The following PDK4 variants were observed in gnomAD, a reference collection of about 807,000 sequenced individuals.
The protein encoded by PDK4 is pyruvate dehydrogenase kinase, isozyme 4.
A neutral mutation model predicts 51.7 loss-of-function variants in PDK4; 43 were observed. That is an observed-to-expected ratio of 0.83 (90% CI 0.65 to 1.07). The LOEUF is 1.07. Among genes scored for constraint, PDK4 ranks in the 50% least tolerant of loss-of-function variants. The probability of loss-of-function intolerance (pLI) is 0.00; values close to 1 mark genes in which losing one functional copy is unlikely to be tolerated. For synonymous variants in PDK4, 170 were observed against 176.6 expected, an observed-to-expected ratio of 0.96 and a Z score of 0.30; for missense variants, 498 against 503.5, an observed-to-expected ratio of 0.99 and a Z score of 0.10.
chr7:95,596,352 G>C lies in PDK4; in HGVS notation c.-59C>G. 5 of 1,510,874 alleles carry C rather than the reference G, an allele frequency of 3.3e-6. No homozygotes were observed. In the East Asian group the frequency reaches 8.0e-5, roughly 24 times the overall value. 93.6% of individuals were successfully genotyped at this position (1,510,874 alleles called of 1,614,324 possible). A position where few individuals can be genotyped will look rare whatever the true frequency, so the allele number is the denominator to read the frequency against. ...CTGGCTTGAGGGGCGAAGGCTGCTC[G>C]GAGCAGAGCCTGGTTCCGAGGGGGC... On this transcript the variant is annotated 5_prime_UTR_variant, in exon 1 of 11. Coordinates refer to ENST00000005178, the MANE Select transcript of PDK4 (RefSeq NM_002612.4).
rs987880364 is a variant in PDK4, at chr7:95,592,926, G to A, written c.363C>T (p.Ile121=). The A allele has an allele frequency of 6.3e-7, 1 of 1,598,050 alleles. No individual in the cohort carries two copies. Among genetic ancestry groups the A allele is most frequent in the Non-Finnish European group, 8.5e-7 (1 of 1,171,224 alleles). ...KALSDFVDTL[I]KVRNRHHNVV... ...CATTATGGTGTCTATTTCGAACTTTGATGAGTGTATCTACAAAGCTAAGCC... is the reference window on the plus strand; with the variant it reads ...CATTATGGTGTCTATTTCGAACTTTAATGAGTGTATCTACAAAGCTAAGCC... The change falls in exon 4 of 11, where the codon ATC becomes ATT. Residue 121 remains isoleucine (I), a synonymous_variant. Transcript: ENST00000005178.
chr7:95,592,189 T>TA, intron 5 of PDK4, 124 bp from the exon 6 acceptor site: 1 of 459,842 alleles, frequency 2.2e-6, no homozygotes, highest in East Asian at 3.5e-5. Flanking sequence ...TTTATGTATA[T>TA]AAAAATATAT....
intron 7 of PDK4, 112 bp from the exon 8 acceptor site, chr7:95,587,937 A>AT (rs1791507853): frequency 2.8e-6 from 2 of 708,786 alleles, no homozygotes; most frequent in Non-Finnish European, 4.8e-6. Flanking sequence ...CAAAGTTCCT[A>AT]TTTTTTTAAG....
Position 95,585,801 on chromosome 7 carries a change from A to G in PDK4, c.1096-20T>C, listed in dbSNP as rs377064599. 64 of 1,573,604 alleles carry G rather than the reference A, an allele frequency of 4.1e-5. No individual in the cohort carries two copies. In the African/African-American group the frequency reaches 8.0e-4, roughly 20 times the overall value. ...CAAAGCCTAAAAGAAAAGGGGGGAA[A>G]AACATGAGACCAAAGAAATTATGCA... On this transcript the variant is annotated intron_variant, in intron 10 of 10. Transcript: ENST00000005178.
chr7:95,589,606 A>G, intron 7 of PDK4, 34 bp downstream of exon 7: 1 of 1,074,212 alleles, frequency 9.3e-7, no homozygotes, highest in Non-Finnish European at 1.4e-6. Context: ...ACCTTTTTAA[A>G]AGGTAAAATT....
intron 5 of PDK4, 66 bp downstream of exon 5, chr7:95,592,445 A>G (rs780095411): frequency 7.7e-6 from 7 of 911,108 alleles, no homozygotes; most frequent in Non-Finnish European, 1.3e-5. Flanking sequence ...AGTCACCTCA[A>G]TTATAGATAT....
At chr7:95,595,434 A>G (rs1315791541) in intron 1 of PDK4, among the ~76,000 whole-genome samples, 1 of 152,172 alleles carries the variant, frequency 6.6e-6, no homozygotes, top group Non-Finnish European at 1.5e-5. Context: ...ACTTCCAAGA[A>G]GTAAGAATAT....
Position 95,596,332 on chromosome 7 carries a change from T to A in PDK4, c.-39A>T. On this transcript the variant is annotated 5_prime_UTR_variant, in exon 1 of 11. It adds an upstream start codon to the 5' untranslated region. Transcript: ENST00000005178. ...CGGCCTGGCGGGGACTGTGGCTGGC[T>A]TGAGGGGCGAAGGCTGCTCGGAGCA... 1.3e-6 allele frequency: 2 copies of A among 1,543,754 alleles called. No homozygotes were observed. The highest frequency in any genetic ancestry group is 1.7e-6 in the Non-Finnish European group (2 of 1,146,930).
At position 95,592,008 on chromosome 7, in the gene PDK4, A is replaced by C. The variant is rs1183317879; in HGVS notation, c.674T>G (p.Leu225Ter). The C allele has an allele frequency of 3.2e-6, 5 of 1,549,880 alleles. No individual in the cohort carries two copies. The African/African-American group carries it at 6.9e-5, about 21-fold the overall frequency. Residue 225 changes from leucine (L) to a stop codon, truncating the protein, a stop_gained, in exon 6 of 11, where the codon TTA becomes TGA. Coordinates refer to ENST00000005178, the MANE Select transcript of PDK4 (RefSeq NM_002612.4). LOFTEE classifies it high-confidence loss of function. ...CTTACCATTCACTTGTGTAAGCTTT[A>C]ATTCTGGAGATGATAAATAATACTG... ...CDQYYLSSPE[L>*]KLTQVNGKFP...
At chr7:95,592,485 G>A (rs758909139) in intron 5 of PDK4, 26 bp downstream of exon 5, 1 of 1,274,392 alleles carries the variant, frequency 7.8e-7, no homozygotes, top group Non-Finnish European at 1.1e-6. Context: ...TTTTCAATAA[G>A]GGAAGTGCAG....
chr7:95,589,091 C>T (rs1791521138), intron 7 of PDK4, among the ~76,000 whole-genome samples: 1 of 152,232 alleles, frequency 6.6e-6, no homozygotes, highest in Admixed American at 6.5e-5. Flanking sequence ...TCAGGCCCCA[C>T]TCTAGACTTC....
chr7:95,590,114 G>A lies in PDK4; in HGVS notation c.695-398C>T, dbSNP rs144504989. On this transcript the variant is annotated intron_variant, in intron 6 of 10. Transcript: ENST00000005178. Reference sequence around the variant, plus strand: ...CACAAATGTGTGAAGTTGGGTAAGTGTGGAAGAACAGTGCTATAAATTAGA... The same window carrying A: ...CACAAATGTGTGAAGTTGGGTAAGTATGGAAGAACAGTGCTATAAATTAGA... 1.0e-3 allele frequency among the ~76,000 whole-genome samples: 158 copies of A among 152,238 alleles called. 4 individuals are homozygous for A. Among genetic ancestry groups the A allele is most frequent in the African/African-American group, 3.7e-3 (152 of 41,536 alleles).
At position 95,592,927 on chromosome 7, in the gene PDK4, A is replaced by G. The variant is rs1380750328; in HGVS notation, c.362T>C (p.Ile121Thr). 1 of 1,598,692 alleles carries G rather than the reference A, an allele frequency of 6.3e-7. No homozygotes were observed. Among genetic ancestry groups the G allele is most frequent in the Non-Finnish European group, 8.5e-7 (1 of 1,171,302 alleles). ...ATTATGGTGTCTATTTCGAACTTTG[A>G]TGAGTGTATCTACAAAGCTAAGCCA... ...KALSDFVDTL[I>T]KVRNRHHNVV... The change falls in exon 4 of 11, where the codon ATC becomes ACC. Residue 121 changes from isoleucine to threonine, a missense_variant. Transcript: ENST00000005178.
At chr7:95,588,814 G>C (rs1791517348) in intron 7 of PDK4, among the ~76,000 whole-genome samples, 1 of 152,172 alleles carries the variant, frequency 6.6e-6, no homozygotes, top group African/African-American at 2.4e-5. Context: ...TTAATCTTAG[G>C]ACGCATGAAA....
intron 6 of PDK4, among the ~76,000 whole-genome samples, chr7:95,591,628 CCT>C (rs756413982): frequency 6.6e-6 from 1 of 152,126 alleles, no homozygotes; most frequent in Non-Finnish European, 1.5e-5. Flanking sequence ...TTATGGGTAA[CCT>C]CTTTAAGAGG....
intron 10 of PDK4, among the ~76,000 whole-genome samples, chr7:95,586,005 CT>C (rs3214117): frequency 0.28 from 41,875 of 151,946 alleles, 6,716 homozygotes; most frequent in East Asian, 0.78. Flanking sequence ...AATACATTAA[CT>C]ATTTCAGATG....
At chr7:95,586,419 C>T (rs987883403) in intron 10 of PDK4, among the ~76,000 whole-genome samples, 40 of 151,858 alleles carry the variant, frequency 2.6e-4, no homozygotes, top group Non-Finnish European at 1.8e-4. Flanking sequence ...GGTCTAGAAC[C>T]ACTGAACTTG....
chr7:95,594,973 C>T (rs1294513129), intron 2 of PDK4, 50 bp downstream of exon 2: 2 of 1,389,288 alleles, frequency 1.4e-6, no homozygotes, highest in Non-Finnish European at 2.0e-6. Flanking sequence ...AGAATTCATA[C>T]CCGGGTAACT....
Position 95,585,119 on chromosome 7 carries a change from C to A in PDK4, c.*522G>T, listed in dbSNP as rs1316157923. On this transcript the variant is annotated 3_prime_UTR_variant, in exon 11 of 11. Transcript: ENST00000005178. The stretch of plus-strand genomic sequence containing the variant: ...AAAATTCCTCCTCTTTCAGAGTAAA[C>A]CTTATTTTAGTCACCAGCATTTCCT... The A allele has an allele frequency of 6.6e-6, 1 of 152,182 alleles. No homozygotes were observed. Among genetic ancestry groups the A allele is most frequent in the African/African-American group, 2.4e-5 (1 of 41,458 alleles). 9.4% of individuals were successfully genotyped at this position (152,182 alleles called of 1,614,324 possible).
Sources: allele counts gnomAD v4.1 joint callset (sites outside exome capture counted in the v4.1 genomes callset), GRCh38; gene constraint gnomAD v4.1.1; transcripts MANE v1.5; gene names NCBI Gene and HGNC (gene_info 2026-07-23, HGNC 2026-07-21).